The following CDH13 variants were observed in gnomAD, a reference collection of about 807,000 sequenced individuals.
CDH13 encodes cadherin-13.
A neutral mutation model predicts 63.8 loss-of-function variants in CDH13; 24 were observed. The observed-to-expected ratio is 0.38, with a 90% CI of 0.27 to 0.53. The LOEUF is 0.53. Ranked by LOEUF, CDH13 falls within the 20% of genes least tolerant of loss-of-function variation. The pLI, the probability that CDH13 is intolerant of heterozygous loss-of-function variation, is 0.85. For synonymous variants in CDH13, 503 were observed against 355.3 expected, an observed-to-expected ratio of 1.42 and a Z score of -4.67; for missense variants, 1,049 against 903.1, an observed-to-expected ratio of 1.16 and a Z score of -2.07.
At chr16:82,717,251 A>G (rs1384283718) in intron 1 of CDH13, among the ~76,000 whole-genome samples, 2 of 151,998 alleles carry the variant, frequency 1.3e-5, no homozygotes, top group Non-Finnish European at 2.9e-5. Flanking sequence ...AAATAAGGGT[A>G]TGGTGAAATC....
intron 2 of CDH13, among the ~76,000 whole-genome samples, chr16:82,951,596 C>G (rs1393399742): frequency 6.6e-6 from 1 of 152,092 alleles, no homozygotes; most frequent in African/African-American, 2.4e-5. Context: ...GTTGAGATGC[C>G]CAAGCAGGAG....
chr16:83,248,619 C>T (rs1045348769), intron 5 of CDH13, among the ~76,000 whole-genome samples: 1 of 152,224 alleles, frequency 6.6e-6, no homozygotes, highest in African/African-American at 2.4e-5. Flanking sequence ...TTCTGTCTCT[C>T]AGAATACTTT....
intron 2 of CDH13, among the ~76,000 whole-genome samples, chr16:82,903,072 G>A (rs1320469308): frequency 6.6e-6 from 1 of 152,188 alleles, no homozygotes; most frequent in Non-Finnish European, 1.5e-5. Context: ...AGATGGTAAT[G>A]GAAAAAGACA....
At chr16:83,181,023 C>G in intron 4 of CDH13, 3 of 1,515,194 alleles carry the variant, frequency 2.0e-6, no homozygotes, top group Non-Finnish European at 2.6e-6. Flanking sequence ...TTACTTCCCA[C>G]TAGCACTCGG....
At chr16:82,645,041 A>G (rs1026743539) in intron 1 of CDH13, among the ~76,000 whole-genome samples, 1 of 152,172 alleles carries the variant, frequency 6.6e-6, no homozygotes, top group Non-Finnish European at 1.5e-5. Flanking sequence ...TTTCAGTTTC[A>G]GAGGGCTCTT....
intron 6 of CDH13, among the ~76,000 whole-genome samples, chr16:83,480,850 A>C (rs889313794): frequency 3.9e-5 from 6 of 152,230 alleles, no homozygotes; most frequent in African/African-American, 1.4e-4. Context: ...CCAAAATGCT[A>C]GAATTTAAAA....
At chr16:82,690,346 T>G (rs149261540) in intron 1 of CDH13, among the ~76,000 whole-genome samples, 57 of 152,212 alleles carry the variant, frequency 3.7e-4, no homozygotes, top group African/African-American at 1.2e-3. Context: ...AAATATTTAG[T>G]TGTATTTTAA....
intron 6 of CDH13, among the ~76,000 whole-genome samples, chr16:83,463,190 A>G (rs917608339): frequency 2.6e-5 from 4 of 152,232 alleles, no homozygotes; most frequent in African/African-American, 4.8e-5. Context: ...TCTATTGCTG[A>G]ATGAACAGCA....
At chr16:83,645,812 C>T (rs1426078015) in intron 8 of CDH13, among the ~76,000 whole-genome samples, 1 of 152,086 alleles carries the variant, frequency 6.6e-6, no homozygotes. Context: ...GTAAATCTAG[C>T]ACAGGCTTGG....
intron 3 of CDH13, among the ~76,000 whole-genome samples, chr16:83,088,064 A>T (rs2151576947): frequency 6.6e-6 from 1 of 152,302 alleles, no homozygotes. Flanking sequence ...TTGCCACTGA[A>T]AGTAATGGCA....
intron 2 of CDH13, among the ~76,000 whole-genome samples, chr16:82,978,630 A>G (rs983447255): frequency 6.6e-6 from 1 of 152,276 alleles, no homozygotes; most frequent in Non-Finnish European, 1.5e-5. Flanking sequence ...TTGAGCCTGC[A>G]GGTACACAGA....
intron 1 of CDH13, among the ~76,000 whole-genome samples, chr16:82,693,927 C>T (rs1361066318): frequency 6.6e-6 from 1 of 152,158 alleles, no homozygotes; most frequent in Non-Finnish European, 1.5e-5. Context: ...TAATGGGATA[C>T]ACTAAGGTAC....
intron 7 of CDH13, among the ~76,000 whole-genome samples, chr16:83,524,515 C>T (rs141315995): frequency 1.2e-3 from 173 of 142,442 alleles, no homozygotes; most frequent in African/African-American, 4.0e-3. Context: ...TGCAGTGGCG[C>T]GCTCTCGGCT....
intron 7 of CDH13, among the ~76,000 whole-genome samples, chr16:83,547,461 C>A (rs182417769): frequency 2.2e-3 from 332 of 152,240 alleles, no homozygotes; most frequent in Non-Finnish European, 3.6e-3. Context: ...CCACCATCTA[C>A]CCTCAAGTAG....
intron 1 of CDH13, among the ~76,000 whole-genome samples, chr16:82,733,050 G>A (rs1567477582): frequency 1.3e-5 from 2 of 152,322 alleles, no homozygotes; most frequent in African/African-American, 2.4e-5. Flanking sequence ...TTATTCCACA[G>A]GCATACTCTG....
At chr16:82,842,902 G>C (rs1364040824) in intron 1 of CDH13, among the ~76,000 whole-genome samples, 2 of 152,134 alleles carry the variant, frequency 1.3e-5, no homozygotes, top group African/African-American at 2.4e-5. Flanking sequence ...GGTTCACAAA[G>C]CACCTATAAG....
chr16:82,922,202 C>G (rs1056175523), intron 2 of CDH13, among the ~76,000 whole-genome samples: 5 of 152,026 alleles, frequency 3.3e-5, no homozygotes, highest in Non-Finnish European at 7.4e-5. Flanking sequence ...TTGACATTTT[C>G]AAAGAGCAAA....
chr16:82,757,984 C>T (rs1314630173), intron 1 of CDH13, among the ~76,000 whole-genome samples: 1 of 152,142 alleles, frequency 6.6e-6, no homozygotes, highest in African/African-American at 2.4e-5. Flanking sequence ...TCAATCCATT[C>T]TGAGGCTAGA....
intron 3 of CDH13, among the ~76,000 whole-genome samples, chr16:83,065,007 C>G (rs982798028): frequency 2.0e-5 from 3 of 151,974 alleles, no homozygotes; most frequent in African/African-American, 7.3e-5. Context: ...TCTCCCCAGT[C>G]CCTCCCCTGC....
Sources: gnomAD v4.1 joint callset for allele counts (sites outside exome capture counted in the v4.1 genomes callset) on GRCh38, gnomAD v4.1.1 for gene constraint, MANE v1.5 for transcripts, NCBI Gene and HGNC (gene_info 2026-07-23, HGNC 2026-07-21) for gene names.